SLC9C1: variants seen among roughly 807,000 people sequenced by gnomAD.
SLC9C1 encodes sodium/hydrogen exchanger 10.
SLC9C1 carries 97 observed loss-of-function variants against 140.9 expected under a neutral mutation model. The observed-to-expected ratio is 0.69, with a 90% CI of 0.58 to 0.82. The LOEUF is 0.82. Ranked by LOEUF, SLC9C1 falls within the 40% of genes least tolerant of loss-of-function variation. The pLI, the probability that SLC9C1 is intolerant of heterozygous loss-of-function variation, is 0.00. For synonymous variants in SLC9C1, 440 were observed against 442.6 expected, an observed-to-expected ratio of 0.99 and a Z score of 0.07; for missense variants, 1,340 against 1,389.3, an observed-to-expected ratio of 0.96 and a Z score of 0.56.
intron 20 of SLC9C1, among the ~76,000 whole-genome samples, chr3:112,190,235 T>G (rs914578731): frequency 3.9e-5 from 6 of 152,202 alleles, no homozygotes; most frequent in African/African-American, 1.4e-4. Flanking sequence ...TTCTTTCTCT[T>G]GACTGATTGC....
chr3:112,167,538 A>G (rs950874509), intron 25 of SLC9C1, among the ~76,000 whole-genome samples, 191 bp from the exon 26 acceptor site: 1 of 152,164 alleles, frequency 6.6e-6, no homozygotes, highest in African/African-American at 2.4e-5. Context: ...ACTATTCCAT[A>G]TACATTCATT....
Position 112,231,578 on chromosome 3 carries a change from T to C in SLC9C1, c.1447-92A>G, listed in dbSNP as rs929458825. The C allele has an allele frequency of 5.7e-5, 73 of 1,276,754 alleles. 2 individuals carry two copies. The South Asian group carries it at 7.7e-4, about 14-fold the overall frequency. The allele number at this position is 1,276,754 out of a possible 1,614,324, so 79.1% of individuals were successfully genotyped here. A position where few individuals can be genotyped will look rare whatever the true frequency, so the allele number is the denominator to read the frequency against. On this transcript the variant is annotated intron_variant, in intron 12 of 28. Coordinates refer to ENST00000305815, the MANE Select transcript of SLC9C1 (RefSeq NM_183061.3). ...CAAGCAATTTTTGTACCAGTTTGCA[T>C]TGAAAAATGGTAGCAAATCTGGTAG... is the stretch of plus-strand genomic sequence containing the variant.
chr3:112,238,351 C>T (rs950529526), intron 12 of SLC9C1, among the ~76,000 whole-genome samples: 2 of 152,168 alleles, frequency 1.3e-5, no homozygotes, highest in Admixed American at 1.3e-4. Flanking sequence ...TCTAGTTAGC[C>T]ATTCGTCTAA....
rs963842754 is a variant in SLC9C1 at position 112,157,377 on chromosome 3, T to C, written c.3365-2328A>G. ...TTCTTTATTCTGCTCCATTGATCTA[T>C]GTGTCTGTTTTTATGCCAGCACCAT... On this transcript the variant is annotated intron_variant, in intron 26 of 28. Transcript: ENST00000305815. 8.5e-5 allele frequency among the ~76,000 whole-genome samples: 13 copies of C among 152,270 alleles called. No individual in the cohort carries two copies. In the South Asian group the frequency reaches 2.3e-3, roughly 27 times the overall value.
At chr3:112,250,055 C>T (rs184572641) in intron 10 of SLC9C1, among the ~76,000 whole-genome samples, 17 of 140,210 alleles carry the variant, frequency 1.2e-4, no homozygotes, top group South Asian at 4.7e-4. Flanking sequence ...TAATGCTATC[C>T]CTCCCCCTCC....
chr3:112,185,945 C>T, intron 20 of SLC9C1: 2 of 1,565,024 alleles, frequency 1.3e-6, no homozygotes, highest in South Asian at 1.2e-5. Context: ...GCAGCAGTAG[C>T]TTGGGGTGGT....
rs145201085 is a variant in SLC9C1, at chr3:112,228,901, T to A, written c.1572+2460A>T. On this transcript the variant is annotated intron_variant, in intron 13 of 28. Transcript: ENST00000305815. ...ATGTTTATTGCAGCACAATTCACAATAGCCAAGATAAACAATCAACTAAGT... is the reference window on the plus strand; with the variant it reads ...ATGTTTATTGCAGCACAATTCACAAAAGCCAAGATAAACAATCAACTAAGT... Among the ~76,000 whole-genome samples the A allele has an allele frequency of 6.6e-5, 10 of 152,168 alleles. No homozygotes were observed. In the East Asian group the frequency reaches 1.9e-3, roughly 29 times the overall value.
intron 7 of SLC9C1, among the ~76,000 whole-genome samples, chr3:112,267,433 G>A (rs1275938231): frequency 2.0e-5 from 3 of 151,542 alleles, no homozygotes; most frequent in African/African-American, 7.3e-5. Flanking sequence ...AAAATTAGCC[G>A]GGCGTCGTGG....
At chr3:112,262,683 A>G (rs930758659) in intron 10 of SLC9C1, among the ~76,000 whole-genome samples, 4 of 151,798 alleles carry the variant, frequency 2.6e-5, no homozygotes, top group Non-Finnish European at 5.9e-5. Context: ...TGCACCTTTT[A>G]TGCCAGGTAC....
chr3:112,185,148 G>A (rs938777504), intron 20 of SLC9C1, among the ~76,000 whole-genome samples: 11 of 152,072 alleles, frequency 7.2e-5, no homozygotes, highest in Non-Finnish European at 1.6e-4. Context: ...AACTCCCAAG[G>A]TGGCCCACTC....
At chr3:112,160,617 G>A (rs9851575) in intron 26 of SLC9C1, among the ~76,000 whole-genome samples, 46,121 of 150,760 alleles carry the variant, frequency 0.31, 7,230 homozygotes, top group African/African-American at 0.37. Flanking sequence ...TTTTATGGCT[G>A]CATAGTATTC....
chr3:112,275,830 A>G (rs1408295350), intron 5 of SLC9C1, among the ~76,000 whole-genome samples: 1 of 152,116 alleles, frequency 6.6e-6, no homozygotes, highest in Non-Finnish European at 1.5e-5. Flanking sequence ...ATCTGCCTGT[A>G]TCTATGCCCT....
intron 10 of SLC9C1, among the ~76,000 whole-genome samples, chr3:112,252,281 G>T (rs1232778540): frequency 6.6e-6 from 1 of 152,038 alleles, no homozygotes; most frequent in Non-Finnish European, 1.5e-5. Flanking sequence ...TTTTCACATG[G>T]GTCCGAGGTC....
At position 112,263,065 on chromosome 3, in the gene SLC9C1, CAA is replaced by C; in HGVS notation, c.1054_1055del (p.Leu352ValfsTer6). 1 of 1,582,494 alleles carries C rather than the reference CAA, an allele frequency of 6.3e-7. No homozygotes were observed. The highest frequency in any genetic ancestry group is 8.6e-7 in the Non-Finnish European group (1 of 1,169,434). ...AACTGAACTCATGACCAACTCGAGA[CAA>C]AACAGGGCTTATTAAAAGAAGGGTC... ...FLTLLLISPVLSRVGHEFSWR... is the reference protein window; with the variant it reads ...FLTLLLISPVXSRVGHEFSWR... On this transcript the variant is annotated frameshift_variant, in exon 10 of 29. Coordinates refer to ENST00000305815, the MANE Select transcript of SLC9C1 (RefSeq NM_183061.3). LOFTEE classifies it high-confidence loss of function.
chr3:112,238,677 G>T (rs1409866034), intron 12 of SLC9C1, among the ~76,000 whole-genome samples: 1 of 152,198 alleles, frequency 6.6e-6, no homozygotes, highest in Non-Finnish European at 1.5e-5. Context: ...CTTCTAACAG[G>T]CAGGACCCTC....
At chr3:112,172,221 CATTT>C (rs1359937019) in intron 23 of SLC9C1, among the ~76,000 whole-genome samples, 1 of 151,998 alleles carries the variant, frequency 6.6e-6, no homozygotes, top group Non-Finnish European at 1.5e-5. Flanking sequence ...TGTACTTCTC[CATTT>C]ATTTAATCTT....
intron 15 of SLC9C1, among the ~76,000 whole-genome samples, chr3:112,211,799 A>C (rs1201912406): frequency 6.6e-6 from 1 of 152,198 alleles, no homozygotes; most frequent in Non-Finnish European, 1.5e-5. Flanking sequence ...AGCCGAACAA[A>C]AGGCAGCAGA....
At chr3:112,185,692 C>T (rs2399407) in intron 20 of SLC9C1, 532,139 of 1,545,612 alleles carry the variant, frequency 0.34, 93,582 homozygotes, top group East Asian at 0.43. Flanking sequence ...CGTGCACGCT[C>T]GTGCCACCAC....
intron 12 of SLC9C1, among the ~76,000 whole-genome samples, chr3:112,235,681 G>A (rs1414497339): frequency 6.6e-6 from 1 of 152,144 alleles, no homozygotes; most frequent in Non-Finnish European, 1.5e-5. Context: ...AGCATGAAGG[G>A]CTGTTGCATT....
Sources: gnomAD v4.1 joint callset for allele counts (sites outside exome capture counted in the v4.1 genomes callset) on GRCh38, gnomAD v4.1.1 for gene constraint, MANE v1.5 for transcripts, NCBI Gene and HGNC (gene_info 2026-07-23, HGNC 2026-07-21) for gene names.